The following AP2S1 variants were observed in gnomAD, a reference collection of about 807,000 sequenced individuals.
The protein encoded by AP2S1 is adaptor related protein complex 2 subunit sigma 1.
A neutral mutation model predicts 21.0 loss-of-function variants in AP2S1; 6 were observed. The observed-to-expected ratio is 0.29, with a 90% CI of 0.16 to 0.56. AP2S1 has a LOEUF of 0.56. Ranked by LOEUF, AP2S1 falls within the 20% of genes least tolerant of loss-of-function variation. The pLI is 0.92. For missense variants in AP2S1, 60 were observed against 186.2 expected (o/e 0.32, Z 3.95); for synonymous variants, 63 against 74.6 (o/e 0.84, Z 0.80).
chr19:46,839,446 C>CAAAA lies in AP2S1; in HGVS notation c.267+18_267+19insTTTT. 5 of 787,674 alleles carry CAAAA rather than the reference C, an allele frequency of 6.3e-6. No individual in the cohort carries two copies. Among genetic ancestry groups the CAAAA allele is most frequent in the African/African-American group, 1.6e-5 (1 of 61,558 alleles). The allele number at this position is 787,674 out of a possible 1,614,324, so 48.8% of individuals were successfully genotyped here. A position where few individuals can be genotyped will look rare whatever the true frequency, so the allele number is the denominator to read the frequency against. On this transcript the variant is annotated intron_variant, in intron 3 of 4. Coordinates refer to ENST00000263270, the MANE Select transcript of AP2S1 (RefSeq NM_004069.6). ...GCTGCCCACCCGCCTCCCCACCTTA[C>CAAAA]ATCCCTCTCCCGCCGTACCTCCACG...
chr19:46,842,738 C>G (rs946931005), intron 2 of AP2S1, among the ~76,000 whole-genome samples: 25 of 152,208 alleles, frequency 1.6e-4, no homozygotes, highest in Non-Finnish European at 3.5e-4. Flanking sequence ...TTCCCACCTG[C>G]TGCTCTTGGT....
At chr19:46,848,430 C>T (rs1053268618) in intron 1 of AP2S1, among the ~76,000 whole-genome samples, 2 of 152,146 alleles carry the variant, frequency 1.3e-5, no homozygotes, top group Non-Finnish European at 2.9e-5. Flanking sequence ...CTGGCACGTA[C>T]TAAGTGTTAC....
At chr19:46,839,356 T>TCACTG (rs1318757393) in intron 3 of AP2S1, 109 bp downstream of exon 3, 1 of 947,812 alleles carries the variant, frequency 1.1e-6, no homozygotes, top group Non-Finnish European at 1.6e-6. Context: ...AGAGTCCCAG[T>TCACTG]CACTGCAGAG....
At chr19:46,844,304 T>G (rs2055580982) in intron 2 of AP2S1, among the ~76,000 whole-genome samples, 1 of 152,186 alleles carries the variant, frequency 6.6e-6, no homozygotes, top group Admixed American at 6.6e-5. Flanking sequence ...CTTCTCTCTT[T>G]CATCTCCTCC....
At chr19:46,839,424 G>GCCCCCCCC in intron 3 of AP2S1, 41 bp downstream of exon 3, 9 of 1,504,486 alleles carry the variant, frequency 6.0e-6, no homozygotes, top group South Asian at 1.1e-5. Context: ...CTCCAGGGCT[G>GCCCCCCCC]CCCACCCGCC....
At chr19:46,840,527 C>T (rs141139247) in intron 2 of AP2S1, among the ~76,000 whole-genome samples, 2 of 151,912 alleles carry the variant, frequency 1.3e-5, no homozygotes, top group East Asian at 3.9e-4. Flanking sequence ...GTGGTCCCAG[C>T]TACTCGGGAG....
intron 1 of AP2S1, among the ~76,000 whole-genome samples, chr19:46,847,326 T>G (rs1446025989): frequency 2.0e-5 from 3 of 151,592 alleles, no homozygotes; most frequent in African/African-American, 7.3e-5. Context: ...CTCCACCTCC[T>G]GGGTGCAGGC....
intron 3 of AP2S1, 22 bp downstream of exon 3, chr19:46,839,443 T>G: frequency 2.9e-6 from 2 of 680,408 alleles, no homozygotes; most frequent in Non-Finnish European, 4.9e-6. Flanking sequence ...CCTCCCCACC[T>G]TACATCCCTC....
chr19:46,848,916 T>G (rs2055683835), intron 1 of AP2S1, among the ~76,000 whole-genome samples: 2 of 151,780 alleles, frequency 1.3e-5, no homozygotes, highest in Non-Finnish European at 2.9e-5. Context: ...TTTCACCATG[T>G]TGGTCAGGCT....
intron 1 of AP2S1, chr19:46,850,557 C>T: frequency 1.6e-6 from 1 of 615,222 alleles, no homozygotes; most frequent in Non-Finnish European, 2.8e-6. Context: ...CAATGCCCGT[C>T]GCCGCGAGAC....
chr19:46,838,888 A>G lies in AP2S1; in HGVS notation c.268-89T>C, dbSNP rs754499882. 4.3e-5 allele frequency: 55 copies of G among 1,273,660 alleles called. No homozygotes were observed. Among genetic ancestry groups the G allele is most frequent in the Non-Finnish European group, 6.1e-5 (54 of 885,254 alleles). The allele number at this position is 1,273,660 out of a possible 1,614,324, so 78.9% of individuals were successfully genotyped here. A position where few individuals can be genotyped will look rare whatever the true frequency, so the allele number is the denominator to read the frequency against. ...GGGAACAAGGTCATCAGAAAGAGAC[A>G]GCAAAAAAAGAGACCAAGGGGGAGG... is the stretch of plus-strand genomic sequence containing the variant. On this transcript the variant is annotated intron_variant, in intron 3 of 4. Coordinates refer to ENST00000263270, the MANE Select transcript of AP2S1 (RefSeq NM_004069.6). This position sits in a 1 kb window ranked among gnomAD's most constrained non-coding sequence, Gnocchi z 4.1.
intron 1 of AP2S1, chr19:46,850,057 C>G: frequency 8.6e-7 from 1 of 1,156,320 alleles, no homozygotes; most frequent in East Asian, 3.2e-5. Flanking sequence ...TTCAAGCCTA[C>G]TCCCCACCCC....
At chr19:46,846,403 C>G (rs1048052856) in intron 1 of AP2S1, among the ~76,000 whole-genome samples, 13 of 151,746 alleles carry the variant, frequency 8.6e-5, no homozygotes, top group Non-Finnish European at 1.6e-4. Flanking sequence ...TCCAGGGCCC[C>G]GAGTCCCAGG....
chr19:46,838,363 T>C lies in AP2S1; in HGVS notation c.*84A>G, dbSNP rs1599758775. On this transcript the variant is annotated 3_prime_UTR_variant, in exon 5 of 5. Coordinates refer to ENST00000263270, the MANE Select transcript of AP2S1 (RefSeq NM_004069.6). The surrounding 1 kb of genome is among the most constrained non-coding windows in gnomAD (Gnocchi z 4.1). ...CCTCCTAGGCAGCTGAGGGAAGGAC[T>C]GCTGGGTTGGCCACGGGCCTGGGAA... The C allele has an allele frequency of 1.5e-6, 2 of 1,363,620 alleles. No homozygotes were observed. Among genetic ancestry groups the C allele is most frequent in the South Asian group, 2.4e-5 (2 of 83,798 alleles). The allele number at this position is 1,363,620 out of a possible 1,614,324, so 84.5% of individuals were successfully genotyped here.
intron 2 of AP2S1, among the ~76,000 whole-genome samples, chr19:46,840,750 C>A (rs887110795): frequency 8.0e-6 from 1 of 124,458 alleles, no homozygotes; most frequent in African/African-American, 3.3e-5. Context: ...TTGAGTCTGG[C>A]TCTGACGCCC....
intron 1 of AP2S1, 107 bp from the exon 2 acceptor site, chr19:46,846,249 G>A (rs2055631576): frequency 4.3e-6 from 6 of 1,399,136 alleles, no homozygotes; most frequent in Middle Eastern, 2.2e-4. Context: ...AGGGCTCAGG[G>A]CCTCCCTGCT....
chr19:46,845,071 C>T (rs1161752464), intron 2 of AP2S1, among the ~76,000 whole-genome samples: 2 of 147,174 alleles, frequency 1.4e-5, no homozygotes, highest in Non-Finnish European at 3.0e-5. Flanking sequence ...TGCACTCCAG[C>T]CTGGGTGACT....
chr19:46,845,750 A>C, intron 2 of AP2S1: 1 of 442,842 alleles, frequency 2.3e-6, no homozygotes, highest in Admixed American at 3.6e-5. Flanking sequence ...AAATCTGGGT[A>C]GTAGGTATAC....
chr19:46,849,542 A>G (rs1340633605), intron 1 of AP2S1, among the ~76,000 whole-genome samples: 1 of 152,160 alleles, frequency 6.6e-6, no homozygotes, highest in Non-Finnish European at 1.5e-5. Flanking sequence ...GAGAACTAGA[A>G]GCAAACCCAC....
Sources: gnomAD v4.1 joint callset for allele counts (sites outside exome capture counted in the v4.1 genomes callset) on GRCh38, gnomAD v4.1.1 for gene constraint, Gnocchi (gnomAD v3.1) non-coding constraint, MANE v1.5 for transcripts, NCBI Gene and HGNC (gene_info 2026-07-23, HGNC 2026-07-21) for gene names.